The following DOCK4 variants were observed in gnomAD, a reference collection of about 807,000 sequenced individuals.
DOCK4 encodes dedicator of cytokinesis 4.
Under a neutral mutation model 268.1 loss-of-function variants are expected in DOCK4, and 97 were observed. The ratio of observed to expected loss-of-function variants is 0.36; its 90% CI spans 0.31 to 0.43. The LOEUF (loss-of-function observed/expected upper bound fraction) is 0.43. DOCK4 is among the 20% of genes least tolerant of loss of function. DOCK4 has a pLI of 1.00. For missense variants in DOCK4, 2,145 were observed against 2,455.7 expected (o/e 0.87, Z 2.67); for synonymous variants, 954 against 887.2 (o/e 1.08, Z -1.34).
At chr7:111,957,460 G>A (rs1024621584) in intron 8 of DOCK4, among the ~76,000 whole-genome samples, 2 of 152,098 alleles carry the variant, frequency 1.3e-5, no homozygotes, top group African/African-American at 2.4e-5. Flanking sequence ...TTCATTTCAA[G>A]TAAAATCCTT....
intron 42 of DOCK4, among the ~76,000 whole-genome samples, chr7:111,751,875 CT>C (rs1796679874): frequency 6.6e-6 from 1 of 152,030 alleles, no homozygotes; most frequent in African/African-American, 2.4e-5. Flanking sequence ...GCCTCAACTT[CT>C]GGAGTAGGAG....
At chr7:111,919,839 G>C (rs909129745) in intron 12 of DOCK4, among the ~76,000 whole-genome samples, 2 of 152,142 alleles carry the variant, frequency 1.3e-5, no homozygotes, top group African/African-American at 4.8e-5. Flanking sequence ...ATGATTCTGA[G>C]AGTGAGTCCA....
At chr7:111,832,428 G>A (rs145796510) in intron 26 of DOCK4, among the ~76,000 whole-genome samples, 101 of 152,302 alleles carry the variant, frequency 6.6e-4, no homozygotes, top group African/African-American at 2.2e-3. Context: ...TCCCTAGTGC[G>A]TGGTGCACAG....
intron 13 of DOCK4, 22 bp from the exon 14 acceptor site, chr7:111,901,823 A>T: frequency 6.7e-7 from 1 of 1,499,804 alleles, no homozygotes; most frequent in Non-Finnish European, 9.1e-7. Flanking sequence ...GGAAAATTAA[A>T]ACCATGTTAT....
In DOCK4 at chr7:111,939,446, C is replaced by A. The variant is rs62472930; in HGVS notation, c.977+664G>T. ...AGGAGAATGGCGTGAACCCGGGAGG[C>A]GGAGCTTGCAGTGAGCTGAGATCAC... is the stretch of plus-strand genomic sequence containing the variant. On this transcript the variant is annotated intron_variant, in intron 11 of 52. Transcript: ENST00000428084. Among the ~76,000 whole-genome samples, 59 of 147,028 alleles carry A rather than the reference C, an allele frequency of 4.0e-4. 2 individuals carry two copies. Among genetic ancestry groups the A allele is most frequent in the Admixed American group, 1.4e-4 (2 of 14,274 alleles).
intron 15 of DOCK4, among the ~76,000 whole-genome samples, chr7:111,896,134 T>TA (rs1047214169): frequency 1.3e-5 from 2 of 152,206 alleles, no homozygotes; most frequent in African/African-American, 4.8e-5. Context: ...ATGGTTTGTT[T>TA]TGATTACTAC....
chr7:111,833,604 C>T (rs1415062722), intron 26 of DOCK4, among the ~76,000 whole-genome samples: 1 of 151,866 alleles, frequency 6.6e-6, no homozygotes, highest in Non-Finnish European at 1.5e-5. Context: ...TGCCAAATGA[C>T]TGACTGCTGA....
intron 26 of DOCK4, among the ~76,000 whole-genome samples, chr7:111,831,779 G>A (rs139585885): frequency 3.9e-5 from 6 of 152,192 alleles, no homozygotes; most frequent in South Asian, 2.1e-4. Flanking sequence ...ATGAGGTACC[G>A]TGTCTGGCCA....
intron 30 of DOCK4, chr7:111,801,805 T>G (rs1800312536): frequency 6.8e-6 from 1 of 147,904 alleles, no homozygotes; most frequent in African/African-American, 2.5e-5. Flanking sequence ...TTCTCCTGCC[T>G]CGGCCTCCCA....
intron 23 of DOCK4, among the ~76,000 whole-genome samples, chr7:111,861,816 G>A (rs1271525659): frequency 2.0e-5 from 3 of 150,482 alleles, no homozygotes; most frequent in African/African-American, 2.4e-5. Context: ...ACAATGTACT[G>A]TTATCATTTA....
intron 1 of DOCK4, among the ~76,000 whole-genome samples, chr7:112,123,044 C>A (rs1378759830): frequency 6.6e-6 from 1 of 152,156 alleles, no homozygotes; most frequent in Non-Finnish European, 1.5e-5. Context: ...CACAAAACCC[C>A]AACTAGAGTC....
At chr7:112,042,323 T>A (rs112363070) in intron 1 of DOCK4, among the ~76,000 whole-genome samples, 1 of 152,288 alleles carries the variant, frequency 6.6e-6, no homozygotes, top group African/African-American at 2.4e-5. Context: ...GACATTGTGC[T>A]CCAAGCTCAT....
At chr7:112,063,016 G>A (rs189694606) in intron 1 of DOCK4, among the ~76,000 whole-genome samples, 5 of 152,196 alleles carry the variant, frequency 3.3e-5, no homozygotes, top group African/African-American at 9.6e-5. Context: ...CTCAGTTGTG[G>A]CTGTGTATCT....
At chr7:112,074,781 G>A (rs1807913568) in intron 1 of DOCK4, among the ~76,000 whole-genome samples, 1 of 152,138 alleles carries the variant, frequency 6.6e-6, no homozygotes, top group Non-Finnish European at 1.5e-5. Context: ...CAGCTGGCTG[G>A]CCAACCCTCC....
At chr7:112,038,503 T>C (rs761612394) in intron 1 of DOCK4, among the ~76,000 whole-genome samples, 1 of 152,144 alleles carries the variant, frequency 6.6e-6, no homozygotes, top group African/African-American at 2.4e-5. Context: ...TGCTACATAA[T>C]TGGATCAGGG....
intron 1 of DOCK4, among the ~76,000 whole-genome samples, chr7:112,142,962 G>A (rs1480539577): frequency 1.3e-5 from 2 of 151,982 alleles, no homozygotes; most frequent in African/African-American, 4.8e-5. Context: ...AAAGAACTTT[G>A]TACATGTGTC....
At chr7:112,129,014 A>T (rs1313802817) in intron 1 of DOCK4, among the ~76,000 whole-genome samples, 1 of 152,206 alleles carries the variant, frequency 6.6e-6, no homozygotes, top group African/African-American at 2.4e-5. Flanking sequence ...AAAACTAAAC[A>T]TGCACTTACA....
chr7:111,765,438 G>T (rs776623104), intron 38 of DOCK4, among the ~76,000 whole-genome samples: 1 of 152,062 alleles, frequency 6.6e-6, no homozygotes, highest in Admixed American at 6.6e-5. Flanking sequence ...AGGCCATATC[G>T]TCTCTTCACA....
chr7:111,749,194 G>T (rs1050556155), intron 42 of DOCK4, among the ~76,000 whole-genome samples: 2 of 152,138 alleles, frequency 1.3e-5, no homozygotes, highest in African/African-American at 4.8e-5. Context: ...TGGAAAACGG[G>T]TATTTACTTT....
Sources: gnomAD v4.1 joint callset for allele counts (sites outside exome capture counted in the v4.1 genomes callset) on GRCh38, gnomAD v4.1.1 for gene constraint, MANE v1.5 for transcripts, NCBI Gene and HGNC (gene_info 2026-07-23, HGNC 2026-07-21) for gene names.